The following RSPO4 variants were observed in gnomAD, a reference collection of about 807,000 sequenced individuals.
The protein encoded by RSPO4 is R-spondin 4, also known as R-spondin-4.
RSPO4 carries 23 observed loss-of-function variants against 24.8 expected under a neutral mutation model. The ratio of observed to expected loss-of-function variants is 0.93; its 90% confidence interval spans 0.67 to 1.31. RSPO4 has a LOEUF of 1.31. Among genes scored for constraint, RSPO4 ranks in the 40% most tolerant of loss-of-function variants. The probability of loss-of-function intolerance (pLI) is 0.00; values close to 1 mark genes in which losing one functional copy is unlikely to be tolerated. For missense variants in RSPO4, 333 were observed against 316.5 expected (o/e 1.05, Z -0.39); for synonymous variants, 141 against 127.4 (o/e 1.11, Z -0.72).
rs75824232 is a variant in RSPO4 at position 963,183 on chromosome 20, G to A, written c.595+752C>T. ...TGGACGGCAATCGGGATCCAGCGTG[G>A]GACAGTCCCCCGCAAAGACGAGCTG... On this transcript the variant is annotated intron_variant, in intron 4 of 4. Transcript: ENST00000217260. 4.2e-3 allele frequency among the ~76,000 whole-genome samples: 644 copies of A among 152,256 alleles called. 5 individuals are homozygous for A. The highest frequency in any genetic ancestry group is 0.015 in the African/African-American group (625 of 41,532).
chr20:993,154 G>A (rs535389870), intron 1 of RSPO4, among the ~76,000 whole-genome samples: 1 of 152,352 alleles, frequency 6.6e-6, no homozygotes, highest in African/African-American at 2.4e-5. Flanking sequence ...CTCTGGGCTT[G>A]GGAATGCCTC....
intron 4 of RSPO4, among the ~76,000 whole-genome samples, chr20:962,799 CT>C: frequency 6.6e-6 from 1 of 152,274 alleles, no homozygotes; most frequent in South Asian, 2.1e-4. Context: ...CTTTAGATTC[CT>C]CTTTGCATGA....
At chr20:992,731 C>T (rs901741034) in intron 1 of RSPO4, among the ~76,000 whole-genome samples, 1 of 152,188 alleles carries the variant, frequency 6.6e-6, no homozygotes, top group African/African-American at 2.4e-5. Context: ...GAGCTGAGCC[C>T]AGGACTGTCC....
intron 3 of RSPO4, 42 bp downstream of exon 3, chr20:967,132 A>AGAGGG: frequency 1.3e-6 from 2 of 1,596,756 alleles, no homozygotes; most frequent in Admixed American, 1.7e-5. Context: ...CGCTCCAGGG[A>AGAGGG]GAGGGGAGGG....
chr20:960,707 G>A (rs1269699240), intron 4 of RSPO4, among the ~76,000 whole-genome samples: 1 of 152,204 alleles, frequency 6.6e-6, no homozygotes, highest in Non-Finnish European at 1.5e-5. Context: ...CTTGTTCAGG[G>A]CCTTCTTGTG....
At chr20:969,817 T>G (rs1984352884) in intron 1 of RSPO4, among the ~76,000 whole-genome samples, 1 of 152,090 alleles carries the variant, frequency 6.6e-6, no homozygotes, top group Non-Finnish European at 1.5e-5. Flanking sequence ...TAGGGCAGCT[T>G]TTGAGAGGCA....
chr20:975,279 T>C (rs1192732275), intron 1 of RSPO4, among the ~76,000 whole-genome samples: 1 of 152,122 alleles, frequency 6.6e-6, no homozygotes, highest in Non-Finnish European at 1.5e-5. Context: ...CTTCTACACA[T>C]CTTGGCCTCT....
intron 1 of RSPO4, among the ~76,000 whole-genome samples, chr20:980,482 A>G (rs1327420673): frequency 2.0e-5 from 3 of 152,158 alleles, no homozygotes; most frequent in Non-Finnish European, 2.9e-5. Context: ...GTAGAGAGTG[A>G]GCAGATCAAT....
intron 1 of RSPO4, among the ~76,000 whole-genome samples, chr20:1,001,481 T>C (rs1985460220): frequency 6.6e-6 from 1 of 152,166 alleles, no homozygotes; most frequent in African/African-American, 2.4e-5. Flanking sequence ...GAGGTGAAGA[T>C]GGAAAAGCTG....
At chr20:983,327 A>G (rs1411275486) in intron 1 of RSPO4, among the ~76,000 whole-genome samples, 1 of 152,148 alleles carries the variant, frequency 6.6e-6, no homozygotes, top group Non-Finnish European at 1.5e-5. Flanking sequence ...TGGTCTTGAT[A>G]AAGAACTTTT....
chr20:986,726 G>A (rs550391047), intron 1 of RSPO4, among the ~76,000 whole-genome samples: 45 of 151,612 alleles, frequency 3.0e-4, no homozygotes, highest in African/African-American at 1.1e-3. Flanking sequence ...TCATCATTAA[G>A]CCAGTTACAC....
chr20:987,004 G>A (rs1775938430), intron 1 of RSPO4, among the ~76,000 whole-genome samples: 1 of 152,156 alleles, frequency 6.6e-6, no homozygotes, highest in Non-Finnish European at 1.5e-5. Context: ...TTTTGAGAAG[G>A]CAATTAGGCA....
At chr20:975,348 A>G (rs966578357) in intron 1 of RSPO4, among the ~76,000 whole-genome samples, 1 of 151,882 alleles carries the variant, frequency 6.6e-6, no homozygotes, top group Admixed American at 6.6e-5. Context: ...TCTAGTTGCA[A>G]CCTCCCCAAG....
chr20:960,529 C>T, intron 4 of RSPO4, 63 bp from the exon 5 acceptor site: 1 of 1,250,570 alleles, frequency 8.0e-7, no homozygotes, highest in Non-Finnish European at 1.1e-6. Flanking sequence ...CTGGGAGCCT[C>T]CTCAGTCCTG....
At chr20:968,595 T>C (rs569626712) in intron 1 of RSPO4, among the ~76,000 whole-genome samples, 84 of 152,218 alleles carry the variant, frequency 5.5e-4, no homozygotes, top group Non-Finnish European at 9.7e-4. Context: ...AATCAACATC[T>C]ATCTTGCTTA....
intron 1 of RSPO4, among the ~76,000 whole-genome samples, chr20:1,001,302 A>AG (rs991898280): frequency 6.6e-6 from 1 of 152,148 alleles, no homozygotes; most frequent in Non-Finnish European, 1.5e-5. Flanking sequence ...CCCTTCTCTG[A>AG]GGCACAGGCT....
At position 961,231 on chromosome 20, in the gene RSPO4, G is replaced by A. The variant is rs1390064415; in HGVS notation, c.596-765C>T. 3.3e-5 allele frequency among the ~76,000 whole-genome samples: 5 copies of A among 152,168 alleles called. No individual in the cohort carries two copies. The East Asian group carries it at 9.6e-4, about 29-fold the overall frequency. ...CACAGCATGGTTGGGAGCAAGGCCA[G>A]CCCTAAGTTTCTGCTTTACAAAGTG... On this transcript the variant is annotated intron_variant, in intron 4 of 4. Transcript: ENST00000217260.
Position 959,973 on chromosome 20 carries a change from G to T in RSPO4, c.*384C>A. The T allele has an allele frequency of 4.3e-6, 1 of 235,270 alleles. No homozygotes were observed. Among genetic ancestry groups the T allele is most frequent in the South Asian group, 7.6e-5 (1 of 13,114 alleles). The allele number at this position is 235,270 out of a possible 1,614,324, so 14.6% of individuals were successfully genotyped here. A position where few individuals can be genotyped will look rare whatever the true frequency, so the allele number is the denominator to read the frequency against. The stretch of plus-strand genomic sequence containing the variant: ...CTTTAAGTTGTAGATAGAGAAAGCT[G>T]CAGGGGAGGGCACAGGCTCATGGTC... On this transcript the variant is annotated 3_prime_UTR_variant, in exon 5 of 5. Coordinates refer to ENST00000217260, the MANE Select transcript of RSPO4 (RefSeq NM_001029871.4).
At position 960,235 on chromosome 20, in the gene RSPO4, G is replaced by A. The variant is rs1983941614; in HGVS notation, c.*122C>T. 3.0e-6 allele frequency: 2 copies of A among 674,074 alleles called. No individual in the cohort carries two copies. The highest frequency in any genetic ancestry group is 3.6e-5 in the African/African-American group (2 of 55,570). The allele number at this position is 674,074 out of a possible 1,614,324, so 41.8% of individuals were successfully genotyped here. A position where few individuals can be genotyped will look rare whatever the true frequency, so the allele number is the denominator to read the frequency against. ...CTGACAGAAAAATGATAGAAGGGTGGAAAGAAAGAGAGGACAAATGGAGAA... is the reference window on the plus strand; with the variant it reads ...CTGACAGAAAAATGATAGAAGGGTGAAAAGAAAGAGAGGACAAATGGAGAA... On this transcript the variant is annotated 3_prime_UTR_variant, in exon 5 of 5. Coordinates refer to ENST00000217260, the MANE Select transcript of RSPO4 (RefSeq NM_001029871.4).
Sources: gnomAD v4.1 joint callset for allele counts (sites outside exome capture counted in the v4.1 genomes callset) on GRCh38, gnomAD v4.1.1 for gene constraint, MANE v1.5 for transcripts, NCBI Gene and HGNC (gene_info 2026-07-23, HGNC 2026-07-21) for gene names.